Variants in DGKD observed in about 807,000 individuals in gnomAD.
The protein encoded by DGKD is diacylglycerol kinase delta.
A neutral mutation model predicts 154.4 loss-of-function variants in DGKD; 68 were observed. That is an observed-to-expected ratio of 0.44 (90% CI 0.36 to 0.54). The LOEUF is 0.54. DGKD is among the 20% of genes least tolerant of loss of function. The pLI is 0.00. For missense variants in DGKD, 1,343 were observed against 1,593.6 expected, an observed-to-expected ratio of 0.84 and a Z score of 2.68; for synonymous variants, 693 against 638.0, an observed-to-expected ratio of 1.09 and a Z score of -1.30.
chr2:233,463,430 C>G (rs1238159499), intron 26 of DGKD, among the ~76,000 whole-genome samples: 33 of 138,976 alleles, frequency 2.4e-4, no homozygotes, highest in Admixed American at 1.4e-4. Context: ...CTCCACGCAT[C>G]TCCTCACTCC....
At chr2:233,462,495 T>C (rs2124942716) in intron 25 of DGKD, 36 bp downstream of exon 25, 1 of 1,574,794 alleles carries the variant, frequency 6.4e-7, no homozygotes, top group South Asian at 1.1e-5. Context: ...TGGCTTCTTC[T>C]CAGTGTCTGC....
At chr2:233,437,263 C>T in intron 7 of DGKD, 114 bp from the exon 8 acceptor site, 1 of 945,836 alleles carries the variant, frequency 1.1e-6, no homozygotes, top group Admixed American at 2.0e-5. Flanking sequence ...GCCAGCCCAG[C>T]TCTGAAATCA....
At chr2:233,454,907 T>A (rs761437979) in intron 19 of DGKD, 34 bp downstream of exon 19, 1 of 1,348,668 alleles carries the variant, frequency 7.4e-7, no homozygotes, top group Non-Finnish European at 1.1e-6. Context: ...GTCTGTCTTT[T>A]GCGTCTTTGT....
At position 233,451,972 on chromosome 2, in the gene DGKD, G is replaced by A; in HGVS notation, c.2176G>A (p.Ala726Thr). ...TTGTATCTCCTTTACAGATGTCCGG[G>A]CTGGAATGTCTGGTTCCTTACCCGG... ...NTKILYPNVR[A>T]GMSGSLPGGS... The change falls in exon 18 of 30, where the codon GCT (alanine) becomes ACT (threonine). Residue 726 changes from alanine to threonine, a missense_variant. Ala to Thr is a moderately conservative substitution (Grantham distance 58). Around this residue, in one of 6 missense-constraint regions of DGKD, gnomAD observed 409 missense variants for 446.0 expected, o/e 0.92. Coordinates refer to ENST00000264057, the MANE Select transcript of DGKD (RefSeq NM_152879.3). 1 of 1,613,910 alleles carries A rather than the reference G, an allele frequency of 6.2e-7. No homozygotes were observed. The highest frequency in any genetic ancestry group is 8.5e-7 in the Non-Finnish European group (1 of 1,179,880).
chr2:233,467,742 A>G (rs935130965), intron 28 of DGKD, among the ~76,000 whole-genome samples: 1 of 152,208 alleles, frequency 6.6e-6, no homozygotes, highest in South Asian at 2.1e-4. Context: ...TACCCAGGCC[A>G]TATCCAGTGC....
Position 233,459,269 on chromosome 2 carries a change from T to C in DGKD, c.2695-488T>C, listed in dbSNP as rs1412863400. Among the ~76,000 whole-genome samples, 1 of 152,148 alleles carries C rather than the reference T, an allele frequency of 6.6e-6. No individual in the cohort carries two copies. Among genetic ancestry groups the C allele is most frequent in the Non-Finnish European group, 1.5e-5 (1 of 68,026 alleles). Reference sequence around the variant, plus strand: ...AACCCCACCCTGCGACTGTCTGGTGTCTTCCAGCACTCTGTCTACCCTTAG... The same window carrying C: ...AACCCCACCCTGCGACTGTCTGGTGCCTTCCAGCACTCTGTCTACCCTTAG... On this transcript the variant is annotated intron_variant, in intron 22 of 29. Coordinates refer to ENST00000264057, the MANE Select transcript of DGKD (RefSeq NM_152879.3). This position sits in a 1 kb window ranked among gnomAD's most constrained non-coding sequence, Gnocchi z 5.7.
In DGKD at chr2:233,434,750, C is replaced by A; in HGVS notation, c.454-19C>A. 6.3e-7 allele frequency: 1 copy of A among 1,599,736 alleles called. No homozygotes were observed. The highest frequency in any genetic ancestry group is 1.1e-5 in the South Asian group (1 of 89,898). ...AAAAGAGAAGTCTTATCTTTGCCCTCTTGGTTTCGTTCTTCCAGCCCACCC... is the reference window on the plus strand; with the variant it reads ...AAAAGAGAAGTCTTATCTTTGCCCTATTGGTTTCGTTCTTCCAGCCCACCC... On this transcript the variant is annotated intron_variant, in intron 4 of 29. Transcript: ENST00000264057.
At chr2:233,365,966 T>A (rs912111361) in intron 1 of DGKD, among the ~76,000 whole-genome samples, 2 of 152,166 alleles carry the variant, frequency 1.3e-5, no homozygotes, top group Non-Finnish European at 1.5e-5. Context: ...CACATTAAAC[T>A]CAAAGGAAAT....
At chr2:233,450,785 A>T in intron 16 of DGKD, 137 bp from the exon 17 acceptor site, 1 of 1,117,736 alleles carries the variant, frequency 8.9e-7, no homozygotes, top group Non-Finnish European at 1.3e-6. Flanking sequence ...TCTTTGTCCC[A>T]CACACTTCAC....
intron 6 of DGKD, 118 bp downstream of exon 6, chr2:233,436,042 CATT>C (rs1165005692): frequency 6.1e-6 from 7 of 1,147,368 alleles, no homozygotes; most frequent in Non-Finnish European, 7.4e-6. Flanking sequence ...GTCACACTGG[CATT>C]GGGTGGCACA....
chr2:233,436,376 T>A lies in DGKD; in HGVS notation c.754T>A (p.Cys252Ser). The change falls in exon 7 of 30, where the codon TGC (cysteine) becomes AGC (serine). Residue 252 changes from cysteine (C) to serine (S), a missense_variant. Cys to Ser is a moderately radical substitution (Grantham distance 112, BLOSUM62 -1). Around this residue, in one of 6 missense-constraint regions of DGKD, gnomAD observed 332 missense variants for 400.1 expected, o/e 0.83. Coordinates refer to ENST00000264057, the MANE Select transcript of DGKD (RefSeq NM_152879.3). ...ACCTGTGAGCGCCAAGTGCACTGTG[T>A]GCGACAAGACCTGTGGCAGTGTGCT... ...NLPVSAKCTV[C>S]DKTCGSVLRL... The A allele has an allele frequency of 6.2e-7, 1 of 1,614,210 alleles. No homozygotes were observed. Among genetic ancestry groups the A allele is most frequent in the Non-Finnish European group, 8.5e-7 (1 of 1,180,028 alleles).
In DGKD at chr2:233,464,272, G is replaced by T. The variant is rs151057884; in HGVS notation, c.3295G>T (p.Gly1099Cys). 1.3e-4 allele frequency: 210 copies of T among 1,613,520 alleles called. No individual in the cohort carries two copies. In the African/African-American group the frequency reaches 2.4e-3, roughly 18 times the overall value. Reference sequence around the variant, plus strand: ...GTGGCTCTGCCAGTCCGCAGAGCCCGGCGACGAAGAGGTATGTGGCTCATA... The same window carrying T: ...GTGGCTCTGCCAGTCCGCAGAGCCCTGCGACGAAGAGGTATGTGGCTCATA... Reference protein sequence around the residue: ...TPWLCQSAEPGDEESVMLDLA... With the variant: ...TPWLCQSAEPCDEESVMLDLA... The change falls in exon 27 of 30, where the codon GGC (glycine) becomes TGC (cysteine). Residue 1099 changes from glycine to cysteine, a missense_variant. By Grantham distance (159) the Gly-to-Cys change is radical (BLOSUM62 -3). This residue lies in a region of DGKD where 429 missense variants were observed against 496.3 expected (regional missense o/e 0.86). Transcript: ENST00000264057.
At chr2:233,419,786 G>T (rs1451116933) in intron 3 of DGKD, among the ~76,000 whole-genome samples, 1 of 152,132 alleles carries the variant, frequency 6.6e-6, no homozygotes, top group African/African-American at 2.4e-5. Flanking sequence ...TTTGGGTGTG[G>T]GTGGATTTTC....
In DGKD at chr2:233,458,264, C is replaced by A; in HGVS notation, c.2581-20C>A. On this transcript the variant is annotated intron_variant, in intron 21 of 29. Coordinates refer to ENST00000264057, the MANE Select transcript of DGKD (RefSeq NM_152879.3). This position sits in a 1 kb window ranked among gnomAD's most constrained non-coding sequence, Gnocchi z 6.6. Reference sequence around the variant, plus strand: ...CGGGGATGTGTGGAGTGGTGGTCAGCTCTAACGTGTCCCTTGCAGACTTTC... The same window carrying A: ...CGGGGATGTGTGGAGTGGTGGTCAGATCTAACGTGTCCCTTGCAGACTTTC... 1 of 1,564,034 alleles carries A rather than the reference C, an allele frequency of 6.4e-7. No individual in the cohort carries two copies.
chr2:233,361,503 A>G (rs1026053973), intron 1 of DGKD, among the ~76,000 whole-genome samples: 4 of 152,244 alleles, frequency 2.6e-5, no homozygotes, highest in Non-Finnish European at 5.9e-5. Flanking sequence ...AGCTAAAACC[A>G]GTCGAAACTA....
At chr2:233,410,265 G>C (rs567759517) in intron 3 of DGKD, among the ~76,000 whole-genome samples, 2 of 152,294 alleles carry the variant, frequency 1.3e-5, no homozygotes, top group African/African-American at 4.8e-5. Flanking sequence ...AAGAAAGAGG[G>C]GGGGCTCAAG....
chr2:233,378,666 C>G lies in DGKD; in HGVS notation c.157-9591C>G, dbSNP rs115928099. On this transcript the variant is annotated intron_variant, in intron 1 of 29. Coordinates refer to ENST00000264057, the MANE Select transcript of DGKD (RefSeq NM_152879.3). ...GTTTAAGCGCCTTTTGCATTTTTTT[C>G]TGTCAAATGTTTTCATATTTTTTGC... Among the ~76,000 whole-genome samples the G allele has an allele frequency of 3.3e-5, 5 of 152,270 alleles. No individual in the cohort carries two copies. In the East Asian group the frequency reaches 9.6e-4, roughly 29 times the overall value.
At chr2:233,444,256 G>A (rs2062992200) in intron 10 of DGKD, among the ~76,000 whole-genome samples, 1 of 151,992 alleles carries the variant, frequency 6.6e-6, no homozygotes, top group South Asian at 2.1e-4. Context: ...TTCTTGGTTC[G>A]TCCGTCTCTT....
At chr2:233,397,731 G>A (rs775995434) in intron 3 of DGKD, among the ~76,000 whole-genome samples, 18 of 152,246 alleles carry the variant, frequency 1.2e-4, no homozygotes, top group South Asian at 2.1e-4. Flanking sequence ...GCTGTAGGGT[G>A]GAGGGTGAAC....
Sources: allele counts gnomAD v4.1 joint callset (sites outside exome capture counted in the v4.1 genomes callset), GRCh38; gene constraint gnomAD v4.1.1; regional missense constraint gnomAD v4.1.1; non-coding constraint Gnocchi (gnomAD v3.1); transcripts MANE v1.5; gene names NCBI Gene and HGNC (gene_info 2026-07-23, HGNC 2026-07-21).